The following PCDH15 variants were observed in gnomAD, a reference collection of about 807,000 sequenced individuals.
The protein encoded by PCDH15 is protocadherin related 15, also known as protocadherin-15.
In PCDH15, 129 loss-of-function variants were observed where a neutral mutation model predicts 178.5. The observed-to-expected ratio is 0.72, with a 90% CI of 0.63 to 0.84. PCDH15 has a LOEUF of 0.84. PCDH15 is among the 40% of genes least tolerant of loss of function. The pLI, the probability that PCDH15 is intolerant of heterozygous loss-of-function variation, is 0.00. For synonymous variants in PCDH15, 800 were observed against 732.0 expected (o/e 1.09, Z -1.50); for missense variants, 2,230 against 2,099.9 (o/e 1.06, Z -1.21).
intron 29 of PCDH15, among the ~76,000 whole-genome samples, chr10:53,838,151 A>T (rs2077420675): frequency 6.6e-6 from 1 of 151,608 alleles, no homozygotes; most frequent in South Asian, 2.1e-4. Context: ...AATTTTTTGT[A>T]TTTTTAGTAG....
chr10:55,057,909 A>C (rs928995988), intron 2 of PCDH15, among the ~76,000 whole-genome samples: 4 of 152,062 alleles, frequency 2.6e-5, no homozygotes, highest in African/African-American at 7.2e-5. Flanking sequence ...TTTTAAGCTT[A>C]TTATCAATTA....
chr10:55,343,548 A>G (rs905731326), intron 2 of PCDH15, among the ~76,000 whole-genome samples: 2 of 151,840 alleles, frequency 1.3e-5, no homozygotes, highest in East Asian at 3.9e-4. Flanking sequence ...TTTCCCCCCC[A>G]ATATAACTGG....
chr10:54,153,176 C>T lies in PCDH15; in HGVS notation c.1708G>A (p.Gly570Arg), dbSNP rs148685670. ...GTCCGCCCGACTATCATTTCCACCC[C>T]TGGAGCGATGGTGATAAGCCCTGTT... ...KTTGLITIAP[G>R]VEMIVGRTYA... The change falls in exon 14 of 38, where the codon GGG (glycine) becomes AGG (arginine). Residue 570 changes from glycine (G) to arginine (R), a missense_variant. Gly to Arg is a moderately radical substitution (Grantham distance 125). Coordinates refer to ENST00000644397, the MANE Select transcript of PCDH15 (RefSeq NM_001384140.1). 1.2e-6 allele frequency: 2 copies of T among 1,613,826 alleles called. No homozygotes were observed. Among genetic ancestry groups the T allele is most frequent in the South Asian group, 2.2e-5 (2 of 91,088 alleles).
At chr10:54,999,757 G>C (rs982147013) in intron 2 of PCDH15, among the ~76,000 whole-genome samples, 4 of 152,188 alleles carry the variant, frequency 2.6e-5, no homozygotes. Flanking sequence ...TTTCACGTAG[G>C]TTCTTTTCTA....
chr10:53,977,556 G>C (rs1000323982), intron 21 of PCDH15, among the ~76,000 whole-genome samples: 1 of 152,086 alleles, frequency 6.6e-6, no homozygotes, highest in Non-Finnish European at 1.5e-5. Flanking sequence ...ATAAGATTTG[G>C]GTGGGGACAC....
chr10:54,123,267 C>T (rs1334893535), intron 15 of PCDH15, among the ~76,000 whole-genome samples: 1 of 152,024 alleles, frequency 6.6e-6, no homozygotes, highest in African/African-American at 2.4e-5. Flanking sequence ...TCCCAAAATA[C>T]GCATCCAACA....
intron 2 of PCDH15, among the ~76,000 whole-genome samples, chr10:55,156,097 A>T (rs895132715): frequency 6.6e-6 from 1 of 152,146 alleles, no homozygotes; most frequent in African/African-American, 2.4e-5. Flanking sequence ...CATACAAAGG[A>T]CCTACACTCC....
At chr10:55,258,930 C>G (rs537688854) in intron 1 of PCDH15, among the ~76,000 whole-genome samples, 1 of 152,012 alleles carries the variant, frequency 6.6e-6, no homozygotes, top group African/African-American at 2.4e-5. Context: ...ATGAGATGTC[C>G]CTCATTTGTC....
At position 53,816,238 on chromosome 10, in the gene PCDH15, C is replaced by G; in HGVS notation, c.4491+1G>C. 1 of 398,728 alleles carries G rather than the reference C, an allele frequency of 2.5e-6. No individual in the cohort carries two copies. Among genetic ancestry groups the G allele is most frequent in the Non-Finnish European group, 4.4e-6 (1 of 225,968 alleles). The allele number at this position is 398,728 out of a possible 1,614,324, so 24.7% of individuals were successfully genotyped here. A position where few individuals can be genotyped will look rare whatever the true frequency, so the allele number is the denominator to read the frequency against. On this transcript the variant is annotated splice_donor_variant, in intron 35 of 37. Transcript: ENST00000644397. LOFTEE classifies it high-confidence loss of function. Reference sequence around the variant, plus strand: ...GTTGAAAAGAAAATGAAAATTGATACCTCTGGTTTAAGAAGAGAGGGCCTC... The same window carrying G: ...GTTGAAAAGAAAATGAAAATTGATAGCTCTGGTTTAAGAAGAGAGGGCCTC...
intron 1 of PCDH15, among the ~76,000 whole-genome samples, chr10:54,721,955 G>T (rs1941690631): frequency 6.6e-6 from 1 of 151,730 alleles, no homozygotes; most frequent in Admixed American, 6.6e-5. Flanking sequence ...TGTGCCTAAT[G>T]CAAAAATCTT....
At chr10:55,427,690 G>T (rs1014944064) in intron 2 of PCDH15, among the ~76,000 whole-genome samples, 4 of 152,120 alleles carry the variant, frequency 2.6e-5, no homozygotes, top group African/African-American at 9.7e-5. Flanking sequence ...ATTGCTAAAT[G>T]TTTAGTTTGC....
chr10:54,257,403 CTTTTTT>C (rs71461225), intron 8 of PCDH15, among the ~76,000 whole-genome samples: 8 of 126,024 alleles, frequency 6.3e-5, no homozygotes, highest in African/African-American at 2.1e-4. Context: ...GAATTGTCTT[CTTTTTT>C]TTTTTTTTTT....
At chr10:55,249,230 T>C (rs1383101294) in intron 1 of PCDH15, among the ~76,000 whole-genome samples, 4 of 152,162 alleles carry the variant, frequency 2.6e-5, no homozygotes, top group Admixed American at 6.5e-5. Context: ...AAATGGATAA[T>C]CATCTTACAT....
chr10:54,530,567 A>G (rs1443031367), intron 2 of PCDH15, among the ~76,000 whole-genome samples: 2 of 152,304 alleles, frequency 1.3e-5, no homozygotes, highest in Admixed American at 1.3e-4. Context: ...CTGCTAAGCT[A>G]CAATCTTCCA....
intron 33 of PCDH15, 187 bp from the exon 34 acceptor site, chr10:53,818,200 C>T (rs995936576): frequency 3.4e-5 from 13 of 378,420 alleles, no homozygotes; most frequent in African/African-American, 2.5e-4. Flanking sequence ...TGGTTTCACA[C>T]CTGAATTACT....
chr10:55,300,424 A>C (rs945691239), intron 1 of PCDH15, among the ~76,000 whole-genome samples: 1 of 152,178 alleles, frequency 6.6e-6, no homozygotes, highest in East Asian at 1.9e-4. Context: ...TGAGAATCCA[A>C]GACAGAGGAA....
Position 55,514,635 on chromosome 10 carries a change from T to C in PCDH15, c.-156+112990A>G, listed in dbSNP as rs753391704. Among the ~76,000 whole-genome samples, 52 of 152,160 alleles carry C rather than the reference T, an allele frequency of 3.4e-4. 1 individual carries two copies. Among genetic ancestry groups the C allele is most frequent in the Admixed American group, 2.9e-3 (44 of 15,258 alleles). Reference sequence around the variant, plus strand: ...GGGGAAACCCAGCAATACTTGCCTATCTAGATTCTTCTTGTCCTCTCTGAG... The same window carrying C: ...GGGGAAACCCAGCAATACTTGCCTACCTAGATTCTTCTTGTCCTCTCTGAG... On this transcript the variant is annotated intron_variant, in intron 2 of 5. Transcript: ENST00000613346.
At chr10:53,959,198 GTATA>G (rs551122127) in intron 23 of PCDH15, among the ~76,000 whole-genome samples, 1 of 147,842 alleles carries the variant, frequency 6.8e-6, no homozygotes, top group Non-Finnish European at 1.5e-5. Flanking sequence ...TATACACACA[GTATA>G]TATATAAATT....
In PCDH15 at chr10:54,430,049, C is replaced by CTT. The variant is rs34182878; in HGVS notation, c.158-51109_158-51108dup. On this transcript the variant is annotated intron_variant, in intron 3 of 37. Coordinates refer to ENST00000644397, the MANE Select transcript of PCDH15 (RefSeq NM_001384140.1). ...CAAAATACACTTTTTCCTTCTTCTC[C>CTT]TTTTTTTTTTTTTTTTTTTTTTTAA... Among the ~76,000 whole-genome samples the CTT allele has an allele frequency of 1.9e-3, 228 of 119,512 alleles. 2 individuals carry two copies. Among genetic ancestry groups the CTT allele is most frequent in the Middle Eastern group, 5.1e-3 (1 of 198 alleles). The allele number at this position is 119,512 out of a possible 152,430, so 78.4% of individuals were successfully genotyped here.
Sources: gnomAD v4.1 joint callset for allele counts (sites outside exome capture counted in the v4.1 genomes callset) on GRCh38, gnomAD v4.1.1 for gene constraint, MANE v1.5 for transcripts, NCBI Gene and HGNC (gene_info 2026-07-23, HGNC 2026-07-21) for gene names.